Variants in PDZD2 observed in about 807,000 individuals in gnomAD.
The protein encoded by PDZD2 is PDZ domain-containing protein 2.
Under a neutral mutation model 220.7 loss-of-function variants are expected in PDZD2, and 90 were observed. The observed-to-expected ratio is 0.41, with a 90% confidence interval of 0.34 to 0.49. The LOEUF (loss-of-function observed/expected upper bound fraction) is 0.49, where lower values mean the gene tolerates loss of function less well. Among genes scored for constraint, PDZD2 ranks in the 20% least tolerant of loss-of-function variants. The pLI is 0.28. For missense variants in PDZD2, 3,174 were observed against 3,608.5 expected (o/e 0.88, Z 3.08); for synonymous variants, 1,375 against 1,450.5 (o/e 0.95, Z 1.18).
intron 2 of PDZD2, among the ~76,000 whole-genome samples, chr5:31,877,108 T>A (rs1206671744): frequency 6.6e-6 from 1 of 152,240 alleles, no homozygotes; most frequent in Non-Finnish European, 1.5e-5. Flanking sequence ...TACTCTATAA[T>A]AGCATTACTG....
rs753725978 is a variant in PDZD2, at chr5:32,097,380, G to A, written c.7947G>A (p.Thr2649=). The change falls in exon 22 of 25, where the codon ACG becomes ACA. Residue 2649 remains threonine, a splice_region_variant and synonymous_variant. Coordinates refer to ENST00000438447, the MANE Select transcript of PDZD2 (RefSeq NM_178140.4). ...CAGATGTGGAGCCAAAATCAATCAC[G>A]GTAAGTGACAGAGTCATTAGGCTCT... ...GGTDVEPKSI[T]VHRVFSQGAA... The A allele has an allele frequency of 1.9e-5, 30 of 1,580,828 alleles. No individual in the cohort carries two copies. The highest frequency in any genetic ancestry group is 2.5e-5 in the Non-Finnish European group (29 of 1,149,784).
chr5:32,001,818 T>A (rs1267160945), intron 5 of PDZD2, among the ~76,000 whole-genome samples: 1 of 152,146 alleles, frequency 6.6e-6, no homozygotes, highest in African/African-American at 2.4e-5. Context: ...GAGGAGGCAG[T>A]GACCTCTCGT....
intron 2 of PDZD2, among the ~76,000 whole-genome samples, chr5:31,969,509 CAAAAAAAAAAAA>C (rs56755290): frequency 7.8e-5 from 4 of 51,418 alleles, no homozygotes; most frequent in Non-Finnish European, 9.4e-5. Flanking sequence ...GCCCCCTCTC[CAAAAAAAAAAAA>C]AAAAAAAAAA....
At chr5:32,077,692 T>C (rs770027969) in intron 19 of PDZD2, 86 bp downstream of exon 19, 23 of 1,382,956 alleles carry the variant, frequency 1.7e-5, no homozygotes, top group Non-Finnish European at 2.1e-5. Context: ...CGCAGTGGCT[T>C]ACACCTGTAA....
chr5:32,011,269 G>C (rs1290055116), intron 6 of PDZD2, among the ~76,000 whole-genome samples: 2 of 150,984 alleles, frequency 1.3e-5, no homozygotes, highest in African/African-American at 4.9e-5. Context: ...TGGGTGGATT[G>C]CTTGAGCTCA....
chr5:31,827,840 A>G (rs1756323774), intron 2 of PDZD2, among the ~76,000 whole-genome samples: 1 of 152,112 alleles, frequency 6.6e-6, no homozygotes, highest in African/African-American at 2.4e-5. Context: ...TAATTTTAGG[A>G]CGTTTTTATC....
intron 2 of PDZD2, among the ~76,000 whole-genome samples, chr5:31,878,555 C>CTGTTTTTTTTTTT (rs1739531136): frequency 2.1e-5 from 1 of 48,198 alleles, no homozygotes; most frequent in Non-Finnish European, 3.7e-5. Context: ...ATGACCTCGG[C>CTGTTTTTTTTTTT]TTTTTTTTTT....
intron 1 of PDZD2, among the ~76,000 whole-genome samples, chr5:31,745,540 C>G (rs1372469883): frequency 2.6e-5 from 4 of 152,200 alleles, no homozygotes; most frequent in Non-Finnish European, 5.9e-5. Flanking sequence ...AACTGTGAAG[C>G]CCAAATCACC....
chr5:31,920,996 G>A lies in PDZD2; in HGVS notation c.477-62159G>A, dbSNP rs148749075. On this transcript the variant is annotated intron_variant, in intron 2 of 24. Transcript: ENST00000438447. ...ATACTCCGTTGTCTGCGTGTGCCGC[G>A]GTTTATCTAGTCACTTACTCAAGGA... 6.4e-3 allele frequency among the ~76,000 whole-genome samples: 980 copies of A among 152,194 alleles called. 12 individuals carry two copies. Among genetic ancestry groups the A allele is most frequent in the African/African-American group, 0.023 (939 of 41,532 alleles).
chr5:31,984,202 C>G (rs1372438117), intron 3 of PDZD2, among the ~76,000 whole-genome samples: 1 of 152,100 alleles, frequency 6.6e-6, no homozygotes, highest in African/African-American at 2.4e-5. Context: ...TTGCTGAGTT[C>G]TAGGGAAGTT....
chr5:31,855,093 G>GGC lies in PDZD2; in HGVS notation c.476+55372_476+55373dup, dbSNP rs1758323572. 4.1e-6 allele frequency: 4 copies of GGC among 985,374 alleles called. No homozygotes were observed. The South Asian group carries it at 1.9e-4, about 46-fold the overall frequency. 61.0% of individuals were successfully genotyped at this position (985,374 alleles called of 1,614,324 possible). ...GACCGGCCTGGCGAGCGGATTACCC[G>GGC]GCGCCCAGCTGCTGCCGGCGGAGAC... is the stretch of plus-strand genomic sequence containing the variant. On this transcript the variant is annotated intron_variant, in intron 2 of 24. Coordinates refer to ENST00000438447, the MANE Select transcript of PDZD2 (RefSeq NM_178140.4).
chr5:31,689,589 G>A (rs1256055330), intron 1 of PDZD2, among the ~76,000 whole-genome samples: 1 of 151,680 alleles, frequency 6.6e-6, no homozygotes, highest in Non-Finnish European at 1.5e-5. Context: ...GAATATTGGT[G>A]TTAGATTTAG....
chr5:31,874,884 C>A (rs1474514815), intron 2 of PDZD2, among the ~76,000 whole-genome samples: 7 of 151,922 alleles, frequency 4.6e-5, no homozygotes, highest in Non-Finnish European at 5.9e-5. Context: ...TAAACAACAA[C>A]AACAACAAAA....
chr5:31,858,283 C>A (rs4867087), intron 2 of PDZD2, among the ~76,000 whole-genome samples: 77,271 of 143,280 alleles, frequency 0.54, 21,641 homozygotes, highest in East Asian at 0.74. Context: ...AGTTTAAAAA[C>A]AAAAAAATTC....
At chr5:31,663,773 G>A (rs1745871257) in intron 1 of PDZD2, among the ~76,000 whole-genome samples, 1 of 152,210 alleles carries the variant, frequency 6.6e-6, no homozygotes, top group African/African-American at 2.4e-5. Flanking sequence ...TCCTAGGATG[G>A]TCACTGCTGT....
chr5:31,662,663 TCTGTAGCC>T (rs1018206354), intron 1 of PDZD2, among the ~76,000 whole-genome samples: 4 of 152,116 alleles, frequency 2.6e-5, no homozygotes, highest in Non-Finnish European at 5.9e-5. Flanking sequence ...GGAGTCTGGC[TCTGTAGCC>T]CAGGATGGAG....
At chr5:31,687,323 T>A (rs940818001) in intron 1 of PDZD2, among the ~76,000 whole-genome samples, 5 of 152,190 alleles carry the variant, frequency 3.3e-5, no homozygotes, top group African/African-American at 1.2e-4. Flanking sequence ...TTTTAAAAAA[T>A]AAACCCATAG....
At chr5:31,988,833 G>A (rs534021631) in intron 3 of PDZD2, among the ~76,000 whole-genome samples, 48 of 152,160 alleles carry the variant, frequency 3.2e-4, no homozygotes, top group African/African-American at 1.0e-3. Context: ...CTCCCACGTC[G>A]CTTAGCTTCT....
In PDZD2 at chr5:32,090,261, G is replaced by T; in HGVS notation, c.6813G>T (p.Leu2271=). Residue 2271 remains leucine, a synonymous_variant, in exon 20 of 25, where the codon CTG becomes CTT. Transcript: ENST00000438447. The surrounding 1 kb of genome is among the most constrained non-coding windows in gnomAD (Gnocchi z 4.3). ...CATCCAGAGGTGGTCTTCCCAGCCT[G>T]GCTAATGGACAGGGCATATATAGTG... The part of the protein sequence containing the change: ...AKASRGGLPS[L]ANGQGIYSVK... The T allele has an allele frequency of 6.2e-7, 1 of 1,614,196 alleles. No homozygotes were observed. The highest frequency in any genetic ancestry group is 1.1e-5 in the South Asian group (1 of 91,080).
Sources: gnomAD v4.1 joint callset for allele counts (sites outside exome capture counted in the v4.1 genomes callset) on GRCh38, gnomAD v4.1.1 for gene constraint, Gnocchi (gnomAD v3.1) non-coding constraint, MANE v1.5 for transcripts, NCBI Gene and HGNC (gene_info 2026-07-23, HGNC 2026-07-21) for gene names.